PCDHA2: variants seen among roughly 807,000 people sequenced by gnomAD.
PCDHA2 encodes protocadherin alpha-2.
PCDHA2 carries 58 observed loss-of-function variants against 66.0 expected under a neutral mutation model. The observed-to-expected ratio is 0.88, with a 90% CI of 0.71 to 1.09. The LOEUF (loss-of-function observed/expected upper bound fraction) is 1.09, where lower values mean the gene tolerates loss of function less well. PCDHA2 is among the 50% of genes least tolerant of loss of function. PCDHA2 has a pLI of 0.00. For synonymous variants in PCDHA2, 634 were observed against 554.0 expected (o/e 1.14, Z -2.03); for missense variants, 1,267 against 1,242.3 (o/e 1.02, Z -0.30).
rs114421153 is a variant in PCDHA2, at chr5:140,919,495, A to T, written c.2389-59454A>T. ...TATTTGGATTTATGTTTGTTATTTT[A>T]CTCCTTTTTCTATATGTTTTAATTC... On this transcript the variant is annotated intron_variant, in intron 1 of 3. Coordinates refer to ENST00000526136, the MANE Select transcript of PCDHA2 (RefSeq NM_018905.3). 4.5e-3 allele frequency among the ~76,000 whole-genome samples: 671 copies of T among 150,296 alleles called. 3 individuals are homozygous for T. Among genetic ancestry groups the T allele is most frequent in the African/African-American group, 0.016 (651 of 40,928 alleles).
intron 1 of PCDHA2, chr5:140,829,105 G>C: frequency 6.2e-7 from 1 of 1,611,878 alleles, no homozygotes; most frequent in Non-Finnish European, 8.5e-7. Context: ...CCGTTTTAGT[G>C]AGAATTTTGG....
chr5:140,962,023 A>G (rs565113928), intron 1 of PCDHA2, among the ~76,000 whole-genome samples: 3 of 152,062 alleles, frequency 2.0e-5, no homozygotes, highest in African/African-American at 7.2e-5. Flanking sequence ...AGCTGGGACT[A>G]CAGGCACCCA....
At chr5:140,996,296 T>C (rs1252218880) in intron 3 of PCDHA2, among the ~76,000 whole-genome samples, 1 of 152,158 alleles carries the variant, frequency 6.6e-6, no homozygotes, top group African/African-American at 2.4e-5. Context: ...GAAGCACAGA[T>C]TGTAACAAAG....
rs2150358985 is a variant in PCDHA2, at chr5:140,843,390, A to T, written c.2388+46038A>T. The T allele has an allele frequency of 7.2e-5, 115 of 1,595,932 alleles. 13 individuals carry two copies. Among genetic ancestry groups the T allele is most frequent in the Admixed American group, 3.7e-4 (22 of 59,276 alleles). ...CAGTCGGCTGGCGTTTTGGGTCCGG[A>T]AGCGGCGCTGGTGGATGTCAACGTG... On this transcript the variant is annotated intron_variant, in intron 1 of 3. Coordinates refer to ENST00000526136, the MANE Select transcript of PCDHA2 (RefSeq NM_018905.3).
intron 1 of PCDHA2, chr5:140,824,445 C>T (rs1945825147): frequency 2.2e-6 from 1 of 463,122 alleles, no homozygotes; most frequent in African/African-American, 2.0e-5. Context: ...CAGTTTATGA[C>T]TACATGAAAA....
At chr5:140,990,354 G>GA (rs1554251439) in intron 3 of PCDHA2, among the ~76,000 whole-genome samples, 1 of 152,158 alleles carries the variant, frequency 6.6e-6, no homozygotes, top group Non-Finnish European at 1.5e-5. Context: ...GCCCTGTACA[G>GA]AAAATCTAAT....
intron 1 of PCDHA2, chr5:140,843,801 C>T: frequency 7.6e-7 from 1 of 1,311,536 alleles, no homozygotes; most frequent in Non-Finnish European, 1.1e-6. Context: ...AGTTTTTCAC[C>T]GTATTTTATA....
intron 1 of PCDHA2, chr5:140,808,884 T>C: frequency 1.9e-6 from 3 of 1,613,368 alleles, no homozygotes; most frequent in Non-Finnish European, 2.5e-6. Context: ...CCAGCACTGC[T>C]AGCGCCTCGG....
In PCDHA2 at chr5:140,848,671, T is replaced by C. The variant is rs2150416657; in HGVS notation, c.2388+51319T>C. The C allele has an allele frequency of 3.1e-6, 5 of 1,592,316 alleles. 1 individual carries two copies. The highest frequency in any genetic ancestry group is 2.2e-5 in the South Asian group (2 of 90,134). On this transcript the variant is annotated intron_variant, in intron 1 of 3. Transcript: ENST00000526136. ...GACCTGGGGCTGGAGCTGGCGGAGCTGGTGCCGCGCCTGTTCCAGTTGGAT... is the reference window on the plus strand; with the variant it reads ...GACCTGGGGCTGGAGCTGGCGGAGCCGGTGCCGCGCCTGTTCCAGTTGGAT...
chr5:140,900,420 GGC>G lies in PCDHA2; in HGVS notation c.2389-78528_2389-78527del, dbSNP rs1554189140. ...AGCCTCCCAAGTAGCTGGGATTATA[GGC>G]ACGTGCCACCACGGCCGGCTAATTT... On this transcript the variant is annotated intron_variant, in intron 1 of 3. Transcript: ENST00000526136. Among the ~76,000 whole-genome samples the G allele has an allele frequency of 7.9e-5, 12 of 152,256 alleles. No individual in the cohort carries two copies. The East Asian group carries it at 2.3e-3, about 30-fold the overall frequency.
chr5:140,807,015 A>G (rs1763830402), intron 1 of PCDHA2: 2 of 792,008 alleles, frequency 2.5e-6, no homozygotes, highest in Non-Finnish European at 2.0e-6. Flanking sequence ...CACAAAATAC[A>G]TGAGAGAAGG....
In PCDHA2 at chr5:140,857,536, G is replaced by A. The variant is rs782533924; in HGVS notation, c.2388+60184G>A. The A allele has an allele frequency of 2.5e-6, 4 of 1,597,412 alleles. No homozygotes were observed. In the South Asian group the frequency reaches 4.4e-5, roughly 18 times the overall value. ...TGGTGTCCTACTCTCTGGTGGAGCG[G>A]CGGTTGGGCGAGCGCTCGCTGTCGA... On this transcript the variant is annotated intron_variant, in intron 1 of 3. Coordinates refer to ENST00000526136, the MANE Select transcript of PCDHA2 (RefSeq NM_018905.3).
At chr5:140,884,295 C>G in intron 1 of PCDHA2, 1 of 1,613,680 alleles carries the variant, frequency 6.2e-7, no homozygotes, top group Non-Finnish European at 8.5e-7. Flanking sequence ...GGCCAAGCGC[C>G]ACAGGCTTCG....
At chr5:140,861,615 C>G (rs2046996028) in intron 1 of PCDHA2, 1 of 348,276 alleles carries the variant, frequency 2.9e-6, no homozygotes, top group African/African-American at 2.1e-5. Context: ...TAAAGACAAC[C>G]TGCCAGTGTT....
At chr5:140,836,222 G>A (rs1366875668) in intron 1 of PCDHA2, 2 of 1,613,676 alleles carry the variant, frequency 1.2e-6, no homozygotes, top group Non-Finnish European at 8.5e-7. Flanking sequence ...AGTTGCAACC[G>A]GTGGCGGCCG....
intron 1 of PCDHA2, chr5:140,809,134 A>G (rs1764374318): frequency 6.2e-7 from 1 of 1,613,908 alleles, no homozygotes; most frequent in Non-Finnish European, 8.5e-7. Context: ...GCCTACTGGT[A>G]CTGGTGAAGG....
At chr5:140,862,382 G>A (rs1213049114) in intron 1 of PCDHA2, 1 of 345,048 alleles carries the variant, frequency 2.9e-6, no homozygotes, top group East Asian at 7.5e-5. Context: ...GACTCCTCAC[G>A]TCTCTTCAAG....
intron 1 of PCDHA2, chr5:140,882,808 G>A (rs1554175666): frequency 6.2e-7 from 1 of 1,614,208 alleles, no homozygotes; most frequent in Non-Finnish European, 8.5e-7. Flanking sequence ...ATTTCACTTT[G>A]GACGCACAAA....
intron 1 of PCDHA2, among the ~76,000 whole-genome samples, chr5:140,964,550 C>T (rs13359943): frequency 0.012 from 1,826 of 152,168 alleles, 28 homozygotes; most frequent in African/African-American, 0.042. Flanking sequence ...ATGGCAGCGA[C>T]TTGGAGGGCT....
Sources: gnomAD v4.1 joint callset for allele counts (sites outside exome capture counted in the v4.1 genomes callset) on GRCh38, gnomAD v4.1.1 for gene constraint, MANE v1.5 for transcripts, NCBI Gene and HGNC (gene_info 2026-07-23, HGNC 2026-07-21) for gene names.